CFAP54: variants seen among roughly 807,000 people sequenced by gnomAD.
The protein encoded by CFAP54 is cilia and flagella associated protein 54, also known as cilia- and flagella-associated protein 54.
In CFAP54, 290 loss-of-function variants were observed where a neutral mutation model predicts 370.4. The ratio of observed to expected loss-of-function variants is 0.78; its 90% CI spans 0.71 to 0.86. The LOEUF (loss-of-function observed/expected upper bound fraction) is 0.86. CFAP54 is among the 40% of genes least tolerant of loss of function. The probability of loss-of-function intolerance (pLI) is 0.00; values close to 1 mark genes in which losing one functional copy is unlikely to be tolerated. For synonymous variants in CFAP54, 1,206 were observed against 1,236.5 expected, an observed-to-expected ratio of 0.98 and a Z score of 0.52; for missense variants, 3,399 against 3,528.7, an observed-to-expected ratio of 0.96 and a Z score of 0.93.
chr12:96,818,361 A>G (rs1368130274), intron 65 of CFAP54, among the ~76,000 whole-genome samples: 3 of 152,206 alleles, frequency 2.0e-5, no homozygotes, highest in African/African-American at 7.2e-5. Context: ...TTATCCGTAT[A>G]GTATGCTATT....
At chr12:96,655,780 A>G (rs957557959) in intron 36 of CFAP54, among the ~76,000 whole-genome samples, 15 of 152,140 alleles carry the variant, frequency 9.9e-5, no homozygotes, top group Admixed American at 5.2e-4. Flanking sequence ...ACTAACACAT[A>G]CAGTTAAAAA....
rs1378999393 is a variant in CFAP54, at chr12:96,825,342, T to A, written c.9097-3672T>A. 8.0e-5 allele frequency among the ~76,000 whole-genome samples: 10 copies of A among 124,470 alleles called. No individual in the cohort carries two copies. The East Asian group carries it at 1.4e-3, about 18-fold the overall frequency. The allele number at this position is 124,470 out of a possible 152,430, so 81.7% of individuals were successfully genotyped here. A position where few individuals can be genotyped will look rare whatever the true frequency, so the allele number is the denominator to read the frequency against. Reference sequence around the variant, plus strand: ...TATATATTATATAACATGTTATATATTATGTAACATGTTATATTATATATT... The same window carrying A: ...TATATATTATATAACATGTTATATAATATGTAACATGTTATATTATATATT... On this transcript the variant is annotated intron_variant, in intron 65 of 67. Coordinates refer to ENST00000524981, the MANE Select transcript of CFAP54 (RefSeq NM_001306084.2).
intron 26 of CFAP54, among the ~76,000 whole-genome samples, chr12:96,616,643 C>T (rs1010046150): frequency 6.6e-6 from 1 of 152,140 alleles, no homozygotes; most frequent in African/African-American, 2.4e-5. Flanking sequence ...GGATTATTAA[C>T]GTTAATCACT....
intron 48 of CFAP54, among the ~76,000 whole-genome samples, chr12:96,709,975 C>T (rs1002642539): frequency 2.6e-5 from 4 of 152,080 alleles, no homozygotes; most frequent in African/African-American, 7.2e-5. Context: ...CCTCTGCCTC[C>T]CAAAGTGCTG....
intron 39 of CFAP54, among the ~76,000 whole-genome samples, chr12:96,678,269 A>T (rs1565939502): frequency 1.3e-5 from 2 of 151,656 alleles, no homozygotes; most frequent in African/African-American, 4.8e-5. Flanking sequence ...TTTTTAATTA[A>T]TTTTTTTCTG....
At chr12:96,867,971 TAATC>T (rs1279262115) in intron 67 of CFAP54, among the ~76,000 whole-genome samples, 1 of 152,190 alleles carries the variant, frequency 6.6e-6, no homozygotes, top group Non-Finnish European at 1.5e-5. Context: ...TCTATAATAA[TAATC>T]AATGTATATA....
chr12:96,719,038 C>CA lies in CFAP54; in HGVS notation c.6804+527dup, dbSNP rs1164963751. ...GGGCAAAAAGAGCGAAACTCCATTT[C>CA]AAAAAAAAAAACAACAAAGAAACAT... On this transcript the variant is annotated intron_variant, in intron 49 of 67. Coordinates refer to ENST00000524981, the MANE Select transcript of CFAP54 (RefSeq NM_001306084.2). 7.1e-3 allele frequency among the ~76,000 whole-genome samples: 975 copies of CA among 137,410 alleles called. 9 individuals are homozygous for CA. Among genetic ancestry groups the CA allele is most frequent in the African/African-American group, 0.022 (830 of 37,924 alleles). 90.1% of individuals were successfully genotyped at this position (137,410 alleles called of 152,430 possible). A position where few individuals can be genotyped will look rare whatever the true frequency, so the allele number is the denominator to read the frequency against.
chr12:96,770,825 A>G (rs1958453236), intron 60 of CFAP54, among the ~76,000 whole-genome samples: 1 of 152,238 alleles, frequency 6.6e-6, no homozygotes, highest in African/African-American at 2.4e-5. Context: ...GTACTATTCC[A>G]CTACTAATTC....
chr12:96,528,735 T>G (rs1157675560), intron 9 of CFAP54, among the ~76,000 whole-genome samples: 1 of 152,180 alleles, frequency 6.6e-6, no homozygotes, highest in Non-Finnish European at 1.5e-5. Context: ...GAAACAATAT[T>G]TGACCTTGTT....
chr12:96,756,439 T>C lies in CFAP54; in HGVS notation c.7841-19T>C. ...CTAGAAAAAGGAAAAACCATCTTTGTATCTTTTTCTTCTTTCAGGCAAAAT... is the reference window on the plus strand; with the variant it reads ...CTAGAAAAAGGAAAAACCATCTTTGCATCTTTTTCTTCTTTCAGGCAAAAT... On this transcript the variant is annotated intron_variant, in intron 56 of 67. Transcript: ENST00000524981. 7.0e-7 allele frequency: 1 copy of C among 1,433,944 alleles called. No individual in the cohort carries two copies. The highest frequency in any genetic ancestry group is 9.6e-7 in the Non-Finnish European group (1 of 1,040,958). 88.8% of individuals were successfully genotyped at this position (1,433,944 alleles called of 1,614,324 possible).
Position 96,522,092 on chromosome 12 carries a change from C to G in CFAP54, c.1061C>G (p.Ala354Gly), listed in dbSNP as rs1387305220. Residue 354 changes from alanine to glycine, a missense_variant, in exon 8 of 68, where the codon GCA (alanine) becomes GGA (glycine). Ala to Gly is a moderately conservative substitution (Grantham distance 60, BLOSUM62 0). Transcript: ENST00000524981. ...TAATTCTGCTTTTTGAGGCAGATGG[C>G]AGTGATGATCTTCAAAAGAGGAGTC... is the stretch of plus-strand genomic sequence containing the variant. ...RYFREATMKM[A>G]VMIFKRGVFE... The G allele has an allele frequency of 6.5e-7, 1 of 1,534,782 alleles. No homozygotes were observed. The highest frequency in any genetic ancestry group is 8.7e-7 in the Non-Finnish European group (1 of 1,146,506).
intron 67 of CFAP54, among the ~76,000 whole-genome samples, chr12:96,866,248 T>C (rs975501008): frequency 6.6e-6 from 1 of 152,108 alleles, no homozygotes; most frequent in Non-Finnish European, 1.5e-5. Flanking sequence ...GCAACAGATA[T>C]TTTTTGTCAT....
intron 45 of CFAP54, 62 bp from the exon 46 acceptor site, chr12:96,699,909 T>C (rs1310764149): frequency 2.9e-6 from 4 of 1,373,150 alleles, no homozygotes; most frequent in Non-Finnish European, 4.0e-6. Flanking sequence ...TCTCTATACT[T>C]TTGTTTTCTA....
intron 17 of CFAP54, among the ~76,000 whole-genome samples, chr12:96,556,496 A>G (rs1379184362): frequency 3.3e-5 from 5 of 152,044 alleles, no homozygotes; most frequent in Non-Finnish European, 5.9e-5. Context: ...ACAAATTACT[A>G]CAAACTTGAG....
intron 60 of CFAP54, among the ~76,000 whole-genome samples, chr12:96,779,202 T>C (rs889769925): frequency 6.7e-6 from 1 of 150,120 alleles, no homozygotes; most frequent in African/African-American, 2.5e-5. Flanking sequence ...GGTCAAGAAA[T>C]AGAATAAGAC....
intron 13 of CFAP54, chr12:96,538,771 CAG>C: frequency 2.6e-6 from 1 of 389,084 alleles, no homozygotes; most frequent in South Asian, 2.7e-5. Flanking sequence ...TTTTTTTTGG[CAG>C]AGTCTTGCTC....
In CFAP54 at chr12:96,718,445, A is replaced by G. The variant is rs1957710223; in HGVS notation, c.6727A>G (p.Ile2243Val). Residue 2243 changes from isoleucine to valine, a missense_variant and splice_region_variant, in exon 49 of 68, where the codon ATA (isoleucine) becomes GTA (valine). By Grantham distance (29) the Ile-to-Val change is conservative (BLOSUM62 3). This residue lies in a region of CFAP54 where 2,796 missense variants were observed against 2,869.7 expected (regional missense o/e 0.97). Coordinates refer to ENST00000524981, the MANE Select transcript of CFAP54 (RefSeq NM_001306084.2). ...TCCAAAATTTTGTGTCTTTATAGAG[A>G]TATATTCAAAGGATGATGGAAGTTC... ...SKPNLPNLEE[I>V]YSKDDGSSFY... is the part of the protein sequence containing the mutation. 1 of 1,472,972 alleles carries G rather than the reference A, an allele frequency of 6.8e-7. No homozygotes were observed. Among genetic ancestry groups the G allele is most frequent in the Non-Finnish European group, 9.5e-7 (1 of 1,053,050 alleles). The allele number at this position is 1,472,972 out of a possible 1,614,324, so 91.2% of individuals were successfully genotyped here.
At chr12:96,498,317 A>G (rs1954982173) in intron 1 of CFAP54, among the ~76,000 whole-genome samples, 1 of 152,232 alleles carries the variant, frequency 6.6e-6, no homozygotes, top group African/African-American at 2.4e-5. Flanking sequence ...CTTCACAAAA[A>G]TTAACTCAAA....
chr12:96,576,874 A>G (rs1316628324), intron 20 of CFAP54, 113 bp downstream of exon 20: 2 of 829,538 alleles, frequency 2.4e-6, no homozygotes, highest in Admixed American at 3.0e-5. Flanking sequence ...ATTCATAAGC[A>G]CTGAACACTG....
Sources: allele counts gnomAD v4.1 joint callset (sites outside exome capture counted in the v4.1 genomes callset), GRCh38; gene constraint gnomAD v4.1.1; regional missense constraint gnomAD v4.1.1; transcripts MANE v1.5; gene names NCBI Gene and HGNC (gene_info 2026-07-23, HGNC 2026-07-21).